JAK2: variants seen among roughly 807,000 people sequenced by gnomAD.
JAK2 encodes Janus kinase 2.
Under a neutral mutation model 139.3 loss-of-function variants are expected in JAK2, and 86 were observed. That is an observed-to-expected ratio of 0.62 (90% CI 0.52 to 0.74). The LOEUF (loss-of-function observed/expected upper bound fraction) is 0.74. JAK2 is among the 30% of genes least tolerant of loss of function. The pLI is 0.00. For synonymous variants in JAK2, 490 were observed against 437.7 expected, an observed-to-expected ratio of 1.12 and a Z score of -1.49; for missense variants, 1,421 against 1,360.3, an observed-to-expected ratio of 1.04 and a Z score of -0.70.
At chr9:5,110,899 T>C (rs3780377) in intron 22 of JAK2, 148,885 of 547,914 alleles carry the variant, frequency 0.27, 21,044 homozygotes, top group Admixed American at 0.3. Context: ...AGATGCCCGC[T>C]CTGGCCCCAA....
At chr9:4,993,953 T>C (rs570278470) in intron 2 of JAK2, among the ~76,000 whole-genome samples, 5 of 152,304 alleles carry the variant, frequency 3.3e-5, no homozygotes, top group Admixed American at 1.3e-4. Context: ...TGAGTGATCA[T>C]GTATGGATGA....
intron 8 of JAK2, among the ~76,000 whole-genome samples, chr9:5,057,947 C>T (rs1285337866): frequency 1.3e-5 from 2 of 151,828 alleles, no homozygotes; most frequent in Non-Finnish European, 2.9e-5. Context: ...TGAAACAATA[C>T]TGTCTTTTTG....
chr9:5,105,927 G>A (rs1294590839), intron 22 of JAK2, among the ~76,000 whole-genome samples: 1 of 152,190 alleles, frequency 6.6e-6, no homozygotes, highest in Non-Finnish European at 1.5e-5. Flanking sequence ...ATGGATTAAA[G>A]ACTTAAATGT....
intron 2 of JAK2, among the ~76,000 whole-genome samples, chr9:5,012,684 C>T (rs1001485755): frequency 6.6e-6 from 1 of 152,058 alleles, no homozygotes; most frequent in African/African-American, 2.4e-5. Context: ...GATTTTTCTA[C>T]CTGCTAAGAA....
chr9:5,079,276 C>G (rs1285675935), intron 16 of JAK2, among the ~76,000 whole-genome samples: 1 of 149,068 alleles, frequency 6.7e-6, no homozygotes, highest in Non-Finnish European at 1.5e-5. Context: ...ATTTGTCAAT[C>G]AATCTATTTG....
At chr9:5,047,070 A>C (rs997626858) in intron 5 of JAK2, among the ~76,000 whole-genome samples, 5 of 152,156 alleles carry the variant, frequency 3.3e-5, no homozygotes, top group African/African-American at 1.2e-4. Context: ...TCCACCATAT[A>C]ATTCTAAATT....
intron 8 of JAK2, among the ~76,000 whole-genome samples, chr9:5,062,439 A>C (rs888078089): frequency 1.3e-5 from 2 of 149,830 alleles, no homozygotes; most frequent in African/African-American, 5.0e-5. Context: ...ATGCTATTGG[A>C]AAAATTGCAC....
chr9:5,107,363 A>G (rs573325093), intron 22 of JAK2, among the ~76,000 whole-genome samples: 13 of 152,046 alleles, frequency 8.6e-5, no homozygotes, highest in Non-Finnish European at 1.3e-4. Flanking sequence ...ATAACCTCCA[A>G]CTGCCTCCCC....
intron 15 of JAK2, among the ~76,000 whole-genome samples, chr9:5,077,970 A>G (rs987256497): frequency 3.3e-5 from 5 of 152,218 alleles, no homozygotes; most frequent in Admixed American, 6.5e-5. Flanking sequence ...CAGACCCCTC[A>G]GGGTGCACCT....
At chr9:5,037,589 C>T (rs989389533) in intron 4 of JAK2, among the ~76,000 whole-genome samples, 1 of 152,138 alleles carries the variant, frequency 6.6e-6, no homozygotes, top group Non-Finnish European at 1.5e-5. Context: ...CCATCATTCT[C>T]AGCAAACTAT....
rs368688124 is a variant in JAK2, at chr9:5,081,820, T to C, written c.2530T>C (p.Phe844Leu). Residue 844 changes from phenylalanine (F) to leucine (L), a missense_variant, in exon 19 of 25, where the codon TTT becomes CTT. By Grantham distance (22) the Phe-to-Leu change is conservative. Transcript: ENST00000381652. ...CTTTGAAGACCGGGATCCTACACAG[T>C]TTGAAGAGAGACATTTGAAATTTCT... ...GAFEDRDPTQ[F>L]EERHLKFLQQ... 23 of 1,613,542 alleles carry C rather than the reference T, an allele frequency of 1.4e-5. No homozygotes were observed. Among genetic ancestry groups the C allele is most frequent in the Non-Finnish European group, 1.9e-5 (23 of 1,179,620 alleles).
chr9:5,080,671 T>C lies in JAK2; in HGVS notation c.2422T>C (p.Leu808=). The C allele has an allele frequency of 1.9e-6, 3 of 1,585,902 alleles. No individual in the cohort carries two copies. Among genetic ancestry groups the C allele is most frequent in the South Asian group, 1.2e-5 (1 of 84,020 alleles). The change falls in exon 18 of 25, where the codon TTG becomes CTG. Residue 808 remains leucine (L), a synonymous_variant. Coordinates refer to ENST00000381652, the MANE Select transcript of JAK2 (RefSeq NM_004972.4). ...FRAIIRDLNS[L]FTPDYELLTE... ...AGCCATCATACGAGATCTTAACAGT[T>C]TGTTTACTCCAGGTATGTATTTGAA... is the stretch of plus-strand genomic sequence containing the variant.
chr9:5,068,346 A>T (rs1818710382), intron 10 of JAK2, among the ~76,000 whole-genome samples: 1 of 152,192 alleles, frequency 6.6e-6, no homozygotes, highest in African/African-American at 2.4e-5. Context: ...AATATTTAAA[A>T]ACTGCAAAAT....
chr9:5,085,483 T>C, intron 19 of JAK2: 1 of 723,660 alleles, frequency 1.4e-6, no homozygotes, highest in Non-Finnish European at 2.6e-6. Flanking sequence ...TCTCTCATGC[T>C]CATTTTCTTT....
intron 22 of JAK2, chr9:5,094,923 A>G (rs888615706): frequency 6.6e-6 from 1 of 152,110 alleles, no homozygotes; most frequent in Non-Finnish European, 1.5e-5. Context: ...CAACCAACTC[A>G]TATACCTTTT....
chr9:5,082,045 C>T (rs1819739458), intron 19 of JAK2, among the ~76,000 whole-genome samples, 184 bp downstream of exon 19: 1 of 152,148 alleles, frequency 6.6e-6, no homozygotes. Context: ...ATGAAGGGGG[C>T]CAGCCCCTCC....
chr9:5,008,431 C>A (rs1447955665), intron 2 of JAK2, among the ~76,000 whole-genome samples: 1 of 152,130 alleles, frequency 6.6e-6, no homozygotes, highest in African/African-American at 2.4e-5. Flanking sequence ...AAGAAAAGGG[C>A]TGGCACTTTT....
intron 22 of JAK2, 66 bp downstream of exon 22, chr9:5,090,977 T>G: frequency 8.8e-7 from 1 of 1,142,430 alleles, no homozygotes; most frequent in Non-Finnish European, 1.2e-6. Flanking sequence ...TTGTTGTTAT[T>G]TAATAGTTTG....
chr9:5,089,923 T>TATAAATGTACAATG lies in JAK2; in HGVS notation c.2761+61_2761+74dup, dbSNP rs1820444854. 22 of 1,177,596 alleles carry TATAAATGTACAATG rather than the reference T, an allele frequency of 1.9e-5. No individual in the cohort carries two copies. In the South Asian group the frequency reaches 5.6e-4, roughly 30 times the overall value. The allele number at this position is 1,177,596 out of a possible 1,614,324, so 72.9% of individuals were successfully genotyped here. On this transcript the variant is annotated intron_variant, in intron 20 of 24. Coordinates refer to ENST00000381652, the MANE Select transcript of JAK2 (RefSeq NM_004972.4). ...GGTATGTGTTTGGCATCCTGTGTAA[T>TATAAATGTACAATG]ATAAATGTACAATGTCTTAACGATC...
Sources: gnomAD v4.1 joint callset for allele counts (sites outside exome capture counted in the v4.1 genomes callset) on GRCh38, gnomAD v4.1.1 for gene constraint, MANE v1.5 for transcripts, NCBI Gene and HGNC (gene_info 2026-07-23, HGNC 2026-07-21) for gene names.